Variants in LRRC37A2 observed in about 807,000 individuals in gnomAD.
The protein encoded by LRRC37A2 is leucine-rich repeat-containing protein 37A2.
A neutral mutation model predicts 68.8 loss-of-function variants in LRRC37A2; 9 were observed. That is an observed-to-expected ratio of 0.13 (90% CI 0.08 to 0.23). The LOEUF (loss-of-function observed/expected upper bound fraction) is 0.23. Among genes scored for constraint, LRRC37A2 ranks in the 10% least tolerant of loss-of-function variants. The probability of loss-of-function intolerance (pLI) is 1.00; values close to 1 mark genes in which losing one functional copy is unlikely to be tolerated. For synonymous variants in LRRC37A2, 63 were observed against 367.6 expected (o/e 0.17, Z 9.48); for missense variants, 168 against 950.4 (o/e 0.18, Z 10.82).
At chr17:46,914,650 C>CAAAAAAAAAAAA in the LRRC37A2 span, among the ~76,000 whole-genome samples, 1 of 72,510 alleles carries the variant, frequency 1.4e-5, no homozygotes, top group Non-Finnish European at 2.4e-5. Flanking sequence ...GACTCCACCT[C>CAAAAAAAAAAAA]AAAAAAAAAA....
At chr17:46,876,349 C>T in the LRRC37A2 span, 2 of 1,614,020 alleles carry the variant, frequency 1.2e-6, no homozygotes, top group African/African-American at 2.7e-5. Context: ...GTGAGACGGG[C>T]CAGGTGCTGA....
At chr17:46,940,385 A>T in the LRRC37A2 span, 7 of 1,536,086 alleles carry the variant, frequency 4.6e-6, no homozygotes, top group Non-Finnish European at 6.1e-6. Flanking sequence ...TGGAGGGTGG[A>T]CTGGGGGGTT....
chr17:46,729,978 G>A, the LRRC37A2 span, among the ~76,000 whole-genome samples: 1 of 152,032 alleles, frequency 6.6e-6, no homozygotes, highest in Non-Finnish European at 1.5e-5. Context: ...ATCATTCCTA[G>A]TAATTGGAGT....
At chr17:46,817,170 C>T in the LRRC37A2 span, among the ~76,000 whole-genome samples, 7 of 152,232 alleles carry the variant, frequency 4.6e-5, no homozygotes, top group Non-Finnish European at 1.0e-4. Context: ...GCTGCCATCC[C>T]CAAACAACTG....
At chr17:46,531,931 C>T (rs1222411909) in intron 6 of LRRC37A2, among the ~76,000 whole-genome samples, 4 of 139,106 alleles carry the variant, frequency 2.9e-5, no homozygotes, top group South Asian at 2.2e-4. Context: ...AGAGTCTTAT[C>T]GTTTTGGCTC....
chr17:46,764,251 T>G, the LRRC37A2 span: 3 of 152,674 alleles, frequency 2.0e-5, no homozygotes, highest in Non-Finnish European at 4.4e-5. Context: ...GCTGATGTCT[T>G]GACTGCCAGG....
the LRRC37A2 span, among the ~76,000 whole-genome samples, chr17:46,494,100 C>T: frequency 7.3e-5 from 11 of 150,596 alleles, no homozygotes; most frequent in South Asian, 2.3e-3. Context: ...CTACCTTGGC[C>T]TCCCAAAGTG....
chr17:46,907,871 G>A, the LRRC37A2 span, among the ~76,000 whole-genome samples: 2 of 151,468 alleles, frequency 1.3e-5, no homozygotes, highest in Non-Finnish European at 2.9e-5. Context: ...AAAAAAGTGT[G>A]TGCGCTATTT....
At chr17:46,777,555 G>T in the LRRC37A2 span, among the ~76,000 whole-genome samples, 5,580 of 152,362 alleles carry the variant, frequency 0.037, 351 homozygotes, top group African/African-American at 0.13. Context: ...CTGTGCAGAC[G>T]CAGTCTCTCC....
the LRRC37A2 span, among the ~76,000 whole-genome samples, chr17:46,987,157 C>T: frequency 0.5 from 76,306 of 151,990 alleles, 19,548 homozygotes; most frequent in Non-Finnish European, 0.54. Context: ...GAAGGAAAAT[C>T]GCTTGAACTC....
At chr17:46,726,873 G>A in the LRRC37A2 span, among the ~76,000 whole-genome samples, 1 of 152,106 alleles carries the variant, frequency 6.6e-6, no homozygotes, top group African/African-American at 2.4e-5. Context: ...ATCTTCCAGT[G>A]TGCCCTTGCC....
the LRRC37A2 span, among the ~76,000 whole-genome samples, chr17:46,711,910 AG>A: frequency 6.6e-6 from 1 of 152,198 alleles, no homozygotes; most frequent in Admixed American, 6.5e-5. Context: ...TGAAAGAGAA[AG>A]GGAGATTATC....
chr17:46,979,268 C>A, the LRRC37A2 span: 3 of 323,476 alleles, frequency 9.3e-6, no homozygotes, highest in Non-Finnish European at 1.8e-5. Flanking sequence ...AGCGGTCGCC[C>A]GCTGGGTTCC....
At chr17:46,950,659 T>A in the LRRC37A2 span, among the ~76,000 whole-genome samples, 1 of 152,060 alleles carries the variant, frequency 6.6e-6, no homozygotes, top group Non-Finnish European at 1.5e-5. Context: ...GCTGACAGGA[T>A]GGGGCTGCCC....
At chr17:46,745,579 T>G in the LRRC37A2 span, among the ~76,000 whole-genome samples, 1 of 152,182 alleles carries the variant, frequency 6.6e-6, no homozygotes, top group Non-Finnish European at 1.5e-5. Flanking sequence ...CTGGAATGAG[T>G]AAGAAGCTTC....
At chr17:46,842,033 G>A in the LRRC37A2 span, among the ~76,000 whole-genome samples, 2 of 152,170 alleles carry the variant, frequency 1.3e-5, no homozygotes, top group Non-Finnish European at 2.9e-5. Flanking sequence ...CCCTCGGCGG[G>A]GCCTGGGCTG....
chr17:46,894,721 C>G, the LRRC37A2 span, among the ~76,000 whole-genome samples: 5 of 152,234 alleles, frequency 3.3e-5, no homozygotes, highest in Admixed American at 2.0e-4. Flanking sequence ...TCACTCCCCC[C>G]ACCTGGCGTT....
chr17:46,939,668 G>A, the LRRC37A2 span: 1 of 985,526 alleles, frequency 1.0e-6, no homozygotes, highest in South Asian at 4.7e-5. Flanking sequence ...ATTAGCACCT[G>A]CCAGCCAGGC....
chr17:46,846,151 A>G, the LRRC37A2 span, among the ~76,000 whole-genome samples: 1 of 152,154 alleles, frequency 6.6e-6, no homozygotes. Flanking sequence ...TAACTACTAG[A>G]CAGAACTGGA....
Sources: gnomAD v4.1 joint callset for allele counts (sites outside exome capture counted in the v4.1 genomes callset) on GRCh38, gnomAD v4.1.1 for gene constraint, MANE v1.5 for transcripts, NCBI Gene and HGNC (gene_info 2026-07-23, HGNC 2026-07-21) for gene names.